UBE3D: variants seen among roughly 807,000 people sequenced by gnomAD.
UBE3D encodes the protein ubiquitin protein ligase E3D, also known as E3 ubiquitin-protein ligase E3D.
Under a neutral mutation model 49.6 loss-of-function variants are expected in UBE3D, and 48 were observed. That is an observed-to-expected ratio of 0.97 (90% CI 0.77 to 1.23). The LOEUF (loss-of-function observed/expected upper bound fraction) is 1.23, where lower values mean the gene tolerates loss of function less well. UBE3D is among the 50% of genes most tolerant of loss of function. The pLI, the probability that UBE3D is intolerant of heterozygous loss-of-function variation, is 0.00. For missense variants in UBE3D, 452 were observed against 468.4 expected (o/e 0.96, Z 0.32); for synonymous variants, 189 against 174.2 (o/e 1.08, Z -0.67).
intron 9 of UBE3D, among the ~76,000 whole-genome samples, chr6:82,909,778 G>A (rs1048180732): frequency 6.6e-6 from 1 of 152,122 alleles, no homozygotes; most frequent in Non-Finnish European, 1.5e-5. Context: ...GAGCAATGAA[G>A]CCCATTAGCT....
At position 83,022,486 on chromosome 6, in the gene UBE3D, C is replaced by T. The variant is rs768953256; in HGVS notation, c.813G>A (p.Thr271=). 10 of 1,604,794 alleles carry T rather than the reference C, an allele frequency of 6.2e-6. No individual in the cohort carries two copies. The highest frequency in any genetic ancestry group is 2.3e-5 in the East Asian group (1 of 44,128). The part of the protein sequence containing the change: ...LSSARSTFRF[T]IQGQDDKVYI... ...ACACTTTGTCATCCTGACCTTGAAT[C>T]GTGAATCTAAAAGTGCTTCTAGCAG... Residue 271 remains threonine (T), a synonymous_variant, in exon 7 of 10, where the codon ACG becomes ACA. Coordinates refer to ENST00000369747, the MANE Select transcript of UBE3D (RefSeq NM_198920.3).
intron 8 of UBE3D, among the ~76,000 whole-genome samples, chr6:82,984,295 T>C (rs1036405572): frequency 6.6e-6 from 1 of 152,176 alleles, no homozygotes; most frequent in African/African-American, 2.4e-5. Context: ...CAGCACCCTA[T>C]TGATGAACAT....
In UBE3D at chr6:82,918,135, A is replaced by C. The variant is rs893147889; in HGVS notation, c.1150-25093T>G. Among the ~76,000 whole-genome samples the C allele has an allele frequency of 4.6e-5, 7 of 152,170 alleles. No individual in the cohort carries two copies. The East Asian group carries it at 1.3e-3, about 29-fold the overall frequency. On this transcript the variant is annotated intron_variant, in intron 9 of 9. Coordinates refer to ENST00000369747, the MANE Select transcript of UBE3D (RefSeq NM_198920.3). The stretch of plus-strand genomic sequence containing the variant: ...TTTCTGGTAAAACAAACAGAATTGA[A>C]ATGGATGCAGGGAGAAAATGGAATT...
Position 83,038,419 on chromosome 6 carries a change from A to G in UBE3D, c.664T>C (p.Ser222Pro). Residue 222 changes from serine to proline, a missense_variant, in exon 5 of 10, where the codon TCA becomes CCA. Physicochemically the swap from Ser to Pro is moderately conservative, Grantham distance 74. Transcript: ENST00000369747. ...CKVMLGETVSSETTKFYMTEI... is the reference protein window; with the variant it reads ...CKVMLGETVSPETTKFYMTEI... Reference sequence around the variant, plus strand: ...CTTCTTGTTATGAAATTCTTACCTGATGACACGGTCTCTCCCAACATTACC... The same window carrying G: ...CTTCTTGTTATGAAATTCTTACCTGGTGACACGGTCTCTCCCAACATTACC... 6.2e-7 allele frequency: 1 copy of G among 1,611,636 alleles called. No individual in the cohort carries two copies. The highest frequency in any genetic ancestry group is 8.5e-7 in the Non-Finnish European group (1 of 1,179,304).
intron 5 of UBE3D, among the ~76,000 whole-genome samples, chr6:83,025,483 A>G (rs1482700539): frequency 2.0e-5 from 3 of 152,254 alleles, no homozygotes; most frequent in South Asian, 4.2e-4. Flanking sequence ...GATAAGGTGT[A>G]CTGCTGGATA....
chr6:82,911,129 T>C (rs1008222924), intron 9 of UBE3D, among the ~76,000 whole-genome samples: 3 of 140,552 alleles, frequency 2.1e-5, no homozygotes, highest in African/African-American at 2.7e-5. Flanking sequence ...ATAGCCATAA[T>C]GTCATAGAAG....
intron 9 of UBE3D, among the ~76,000 whole-genome samples, chr6:82,945,061 C>A (rs1194355665): frequency 6.6e-6 from 1 of 152,244 alleles, no homozygotes; most frequent in Non-Finnish European, 1.5e-5. Context: ...GGGAAGAACA[C>A]AAGGCTGCTG....
At chr6:82,993,600 A>G (rs1282095565) in intron 8 of UBE3D, among the ~76,000 whole-genome samples, 1 of 152,206 alleles carries the variant, frequency 6.6e-6, no homozygotes, top group East Asian at 1.9e-4. Flanking sequence ...AGTGTGCTAC[A>G]AATCCAAGTA....
chr6:82,901,324 A>T (rs953690371), intron 9 of UBE3D, among the ~76,000 whole-genome samples: 2 of 151,520 alleles, frequency 1.3e-5, no homozygotes, highest in African/African-American at 4.8e-5. Context: ...GGCTTGGGAG[A>T]GGGTGGTATT....
chr6:83,049,729 G>A (rs1462977574), intron 3 of UBE3D: 6 of 470,592 alleles, frequency 1.3e-5, no homozygotes, highest in East Asian at 7.0e-5. Flanking sequence ...AGAACAGGGC[G>A]AACCATCCAG....
chr6:83,036,484 C>A (rs915459731), intron 5 of UBE3D: 1 of 151,596 alleles, frequency 6.6e-6, no homozygotes, highest in South Asian at 2.1e-4. Context: ...TCTTCAAGGG[C>A]ATTTTTTTTT....
At chr6:82,962,114 T>C (rs1034566247) in intron 8 of UBE3D, among the ~76,000 whole-genome samples, 2 of 151,888 alleles carry the variant, frequency 1.3e-5, no homozygotes, top group Non-Finnish European at 2.9e-5. Context: ...AAAAAAAGAT[T>C]AGGGGGCAAT....
Position 82,965,957 on chromosome 6 carries a change from G to A in UBE3D, c.1011-8507C>T, listed in dbSNP as rs185365778. 3.5e-4 allele frequency among the ~76,000 whole-genome samples: 53 copies of A among 152,210 alleles called. 2 individuals are homozygous for A. In the South Asian group the frequency reaches 7.3e-3, roughly 21 times the overall value. ...AAATAATTCAGTATGTATCTTTAAA[G>A]ATAGATTCTTTTAAAAAGAATATCC... On this transcript the variant is annotated intron_variant, in intron 8 of 9. Transcript: ENST00000369747.
intron 8 of UBE3D, among the ~76,000 whole-genome samples, chr6:83,002,221 T>C (rs941062854): frequency 6.6e-6 from 1 of 152,214 alleles, no homozygotes; most frequent in South Asian, 2.1e-4. Flanking sequence ...AAAAGAATAC[T>C]GTTCTCCATG....
chr6:83,048,810 A>G (rs1783258379), intron 3 of UBE3D, among the ~76,000 whole-genome samples: 1 of 152,222 alleles, frequency 6.6e-6, no homozygotes, highest in South Asian at 2.1e-4. Context: ...TACTGAAAGC[A>G]TATTTATCTA....
intron 9 of UBE3D, among the ~76,000 whole-genome samples, chr6:82,897,330 C>T (rs1024195838): frequency 6.6e-6 from 1 of 152,118 alleles, no homozygotes; most frequent in Non-Finnish European, 1.5e-5. Context: ...GTGGCTCACA[C>T]CTGTAATCCC....
chr6:82,903,071 T>A (rs1771852076), intron 9 of UBE3D, among the ~76,000 whole-genome samples: 1 of 152,194 alleles, frequency 6.6e-6, no homozygotes, highest in African/African-American at 2.4e-5. Context: ...TGGTGAGAGA[T>A]AATTGCTATT....
intron 9 of UBE3D, among the ~76,000 whole-genome samples, chr6:82,956,408 CG>C (rs746325939): frequency 1.3e-5 from 2 of 152,174 alleles, no homozygotes; most frequent in South Asian, 2.1e-4. Context: ...GCGAGGGAGG[CG>C]GGGGGTCTTC....
chr6:82,982,439 C>T (rs959761774), intron 8 of UBE3D, among the ~76,000 whole-genome samples: 2 of 152,162 alleles, frequency 1.3e-5, no homozygotes, highest in African/African-American at 4.8e-5. Context: ...GCCTATGTTT[C>T]TTTTAATCTG....
Sources: gnomAD v4.1 joint callset for allele counts (sites outside exome capture counted in the v4.1 genomes callset) on GRCh38, gnomAD v4.1.1 for gene constraint, MANE v1.5 for transcripts, NCBI Gene and HGNC (gene_info 2026-07-23, HGNC 2026-07-21) for gene names.